Variants in SLC2A9 observed in about 807,000 individuals in gnomAD.
SLC2A9 encodes the protein solute carrier family 2 member 9, also known as solute carrier family 2, facilitated glucose transporter member 9.
Under a neutral mutation model 50.6 loss-of-function variants are expected in SLC2A9, and 39 were observed. The ratio of observed to expected loss-of-function variants is 0.77; its 90% CI spans 0.60 to 1.01. The LOEUF is 1.01. Among genes scored for constraint, SLC2A9 ranks in the 50% least tolerant of loss-of-function variants. The pLI, the probability that SLC2A9 is intolerant of heterozygous loss-of-function variation, is 0.00. For synonymous variants in SLC2A9, 324 were observed against 276.9 expected (o/e 1.17, Z -1.69); for missense variants, 686 against 677.6 (o/e 1.01, Z -0.14).
intron 10 of SLC2A9, among the ~76,000 whole-genome samples, chr4:9,881,549 A>G (rs547788700): frequency 2.0e-5 from 3 of 152,364 alleles, no homozygotes; most frequent in Admixed American, 1.3e-4. Flanking sequence ...AAAGTTAGAA[A>G]GAAAATATAT....
intron 3 of SLC2A9, among the ~76,000 whole-genome samples, chr4:9,993,234 G>GT (rs560656339): frequency 4.6e-5 from 7 of 152,304 alleles, no homozygotes; most frequent in African/African-American, 1.4e-4. Flanking sequence ...TTTCTTATAT[G>GT]TTTTTTCTGC....
intron 3 of SLC2A9, among the ~76,000 whole-genome samples, chr4:9,813,211 A>C (rs1482333480): frequency 1.3e-5 from 2 of 152,180 alleles, no homozygotes; most frequent in African/African-American, 4.8e-5. Context: ...ATATTTAGGA[A>C]GTGGTGTTGG....
chr4:9,841,007 C>A (rs1299718628), intron 10 of SLC2A9, among the ~76,000 whole-genome samples: 2 of 152,158 alleles, frequency 1.3e-5, no homozygotes, highest in African/African-American at 4.8e-5. Flanking sequence ...CATGGGGGAA[C>A]TACTCCCATG....
chr4:10,018,218 G>C (rs538704041), intron 2 of SLC2A9, among the ~76,000 whole-genome samples: 2 of 152,342 alleles, frequency 1.3e-5, no homozygotes, highest in South Asian at 4.1e-4. Context: ...TTATCCAGCA[G>C]ATACCTGAGT....
At chr4:9,774,598 A>G (rs1215758146) in intron 1 of SLC2A9, among the ~76,000 whole-genome samples, 2 of 152,052 alleles carry the variant, frequency 1.3e-5, no homozygotes, top group African/African-American at 4.8e-5. Context: ...AACAACTGAA[A>G]CTCCACTTAG....
At chr4:9,987,176 T>C (rs112709674) in intron 3 of SLC2A9, among the ~76,000 whole-genome samples, 2,068 of 152,252 alleles carry the variant, frequency 0.014, 32 homozygotes, top group African/African-American at 0.046. Context: ...CTGGAGTGGA[T>C]TGGCACAATC....
chr4:9,783,000 G>A, intron 3 of SLC2A9: 1 of 1,614,198 alleles, frequency 6.2e-7, no homozygotes. Context: ...TTCTGCAGTG[G>A]ACACCCCGAA....
intron 2 of SLC2A9, among the ~76,000 whole-genome samples, chr4:10,004,662 T>TA (rs1346838280): frequency 6.6e-6 from 1 of 152,208 alleles, no homozygotes; most frequent in Non-Finnish European, 1.5e-5. Context: ...GCCACTGAGA[T>TA]ACAGGGCTTG....
At chr4:9,959,278 GCTACTCTGATGGC>G (rs968925021) in intron 5 of SLC2A9, among the ~76,000 whole-genome samples, 2 of 151,280 alleles carry the variant, frequency 1.3e-5, no homozygotes, top group Non-Finnish European at 2.9e-5. Flanking sequence ...TGTAATCCCA[GCTACTCTGATGGC>G]TAAGGCAGGA....
intron 1 of SLC2A9, chr4:10,035,279 G>A (rs1007922853): frequency 2.6e-5 from 4 of 152,214 alleles, no homozygotes; most frequent in Admixed American, 1.3e-4. Flanking sequence ...CTTCTCAACA[G>A]AAGTGGAGCG....
chr4:9,839,888 A>T (rs1226486481), intron 10 of SLC2A9, among the ~76,000 whole-genome samples: 1 of 152,158 alleles, frequency 6.6e-6, no homozygotes, highest in Admixed American at 6.5e-5. Context: ...TAGGCTTGGT[A>T]CCTGGGTGAT....
intron 6 of SLC2A9, among the ~76,000 whole-genome samples, chr4:9,931,962 CTATATATATATATATATATATATATA>C (rs61538689): frequency 6.9e-5 from 1 of 14,588 alleles, no homozygotes; most frequent in Non-Finnish European, 1.1e-4. Context: ...CTCTCTCTCT[CTATATATATATATATATATATATATA>C]TATATATATA....
chr4:9,865,578 C>T (rs1732308630), intron 10 of SLC2A9, among the ~76,000 whole-genome samples: 1 of 152,220 alleles, frequency 6.6e-6, no homozygotes, highest in African/African-American at 2.4e-5. Context: ...GTGTACCAGG[C>T]ACCATACATA....
intron 3 of SLC2A9, among the ~76,000 whole-genome samples, chr4:9,781,264 G>A (rs571669982): frequency 1.4e-4 from 22 of 152,306 alleles, no homozygotes; most frequent in Admixed American, 1.1e-3. Context: ...CAGGAATAAA[G>A]TCCGGATTGG....
upstream of SLC2A9, among the ~76,000 whole-genome samples, chr4:10,022,350 T>G (rs2109571715): frequency 6.6e-6 from 1 of 152,284 alleles, no homozygotes; most frequent in Non-Finnish European, 1.5e-5. Flanking sequence ...GGGCTGTGGG[T>G]TTGGAAGAAA....
chr4:9,985,559 C>T, intron 4 of SLC2A9, 110 bp downstream of exon 4: 1 of 1,462,424 alleles, frequency 6.8e-7, no homozygotes, highest in South Asian at 1.2e-5. Flanking sequence ...CCTGCCAAGT[C>T]AATGCCAGCA....
intron 8 of SLC2A9, among the ~76,000 whole-genome samples, chr4:9,892,792 C>A (rs1011500326): frequency 6.6e-6 from 1 of 152,144 alleles, no homozygotes; most frequent in Non-Finnish European, 1.5e-5. Flanking sequence ...GGCTGTGTGG[C>A]CTTGAACAAG....
At chr4:9,930,244 A>G (rs1745651898) in intron 6 of SLC2A9, among the ~76,000 whole-genome samples, 1 of 152,048 alleles carries the variant, frequency 6.6e-6, no homozygotes, top group Non-Finnish European at 1.5e-5. Flanking sequence ...TCCCTTCACC[A>G]TCACTTTCAT....
chr4:9,829,114 T>C (rs533066436), intron 11 of SLC2A9, among the ~76,000 whole-genome samples: 1 of 152,260 alleles, frequency 6.6e-6, no homozygotes, highest in African/African-American at 2.4e-5. Flanking sequence ...GTCAAGAACA[T>C]GTGGCTCAGC....
Sources: allele counts gnomAD v4.1 joint callset (sites outside exome capture counted in the v4.1 genomes callset), GRCh38; gene constraint gnomAD v4.1.1; transcripts MANE v1.5; gene names NCBI Gene and HGNC (gene_info 2026-07-23, HGNC 2026-07-21).